Variants in NDUFAF1 observed in about 807,000 individuals in gnomAD.
NDUFAF1 encodes the protein NADH:ubiquinone oxidoreductase complex assembly factor 1, also known as complex I intermediate-associated protein 30, mitochondrial.
In NDUFAF1, 18 loss-of-function variants were observed where a neutral mutation model predicts 28.7. The observed-to-expected ratio is 0.63, with a 90% confidence interval of 0.43 to 0.93. NDUFAF1 has a LOEUF of 0.93. NDUFAF1 is among the 40% of genes least tolerant of loss of function. The pLI is 0.00. For synonymous variants in NDUFAF1, 113 were observed against 139.7 expected (o/e 0.81, Z 1.35); for missense variants, 404 against 398.3 (o/e 1.01, Z -0.12).
chr15:41,399,804 C>T (rs1393684245), intron 1 of NDUFAF1, among the ~76,000 whole-genome samples: 1 of 140,416 alleles, frequency 7.1e-6, no homozygotes, highest in South Asian at 2.3e-4. Flanking sequence ...TGCAGTGAGC[C>T]GAGATCCCGC....
In NDUFAF1 at chr15:41,400,972, C is replaced by CTT. The variant is rs57295983; in HGVS notation, c.-82+1170_-82+1171dup. Among the ~76,000 whole-genome samples, 4 of 144,260 alleles carry CTT rather than the reference C, an allele frequency of 2.8e-5. No individual in the cohort carries two copies. The East Asian group carries it at 6.1e-4, about 22-fold the overall frequency. The allele number at this position is 144,260 out of a possible 152,430, so 94.6% of individuals were successfully genotyped here. ...AATAGGTAAAATGACATTATCAATA[C>CTT]TTTTTTTTTTTTTTGAGACGGAGTC... On this transcript the variant is annotated intron_variant, in intron 1 of 4. Coordinates refer to ENST00000260361, the MANE Select transcript of NDUFAF1 (RefSeq NM_016013.4).
intron 1 of NDUFAF1, among the ~76,000 whole-genome samples, chr15:41,401,075 C>T (rs2050456407): frequency 6.6e-6 from 1 of 151,068 alleles, no homozygotes; most frequent in African/African-American, 2.4e-5. Context: ...CTTGTCTCAG[C>T]CTCCTGAATA....
intron 3 of NDUFAF1, among the ~76,000 whole-genome samples, 167 bp from the exon 4 acceptor site, chr15:41,388,689 T>C (rs1256649899): frequency 2.6e-5 from 4 of 151,526 alleles, no homozygotes; most frequent in Admixed American, 2.0e-4. Context: ...GGCCAAACGA[T>C]AAAGGGTTAA....
At chr15:41,394,316 G>T in intron 3 of NDUFAF1, 1 of 1,282,010 alleles carries the variant, frequency 7.8e-7, no homozygotes, top group African/African-American at 1.5e-5. Flanking sequence ...TTACAGGTGT[G>T]AGCCACCACG....
At chr15:41,387,893 C>A (rs1344382838) in intron 4 of NDUFAF1, among the ~76,000 whole-genome samples, 5 of 152,224 alleles carry the variant, frequency 3.3e-5, no homozygotes, top group Admixed American at 2.6e-4. Context: ...GTGGGCAGAT[C>A]ACAAGGTCCA....
rs562040564 is a variant in NDUFAF1 at position 41,395,985 on chromosome 15, G to A, written c.573+502C>T. Among the ~76,000 whole-genome samples, 5 of 151,834 alleles carry A rather than the reference G, an allele frequency of 3.3e-5. No homozygotes were observed. In the East Asian group the frequency reaches 5.9e-4, roughly 18 times the overall value. ...CACCAGTAGTCCCAGCTACTCAGGA[G>A]GCTGAGGCAGGAGAATCGCTTGAAC... is the stretch of plus-strand genomic sequence containing the variant. On this transcript the variant is annotated intron_variant, in intron 2 of 4. Transcript: ENST00000260361.
chr15:41,402,884 A>C (rs1258936631), upstream of NDUFAF1, among the ~76,000 whole-genome samples: 2 of 151,610 alleles, frequency 1.3e-5, no homozygotes, highest in African/African-American at 2.4e-5. Context: ...GGTGCGCGCC[A>C]TCATGCCCGA....
At chr15:41,397,161 AAG>A (rs1378521625) in intron 1 of NDUFAF1, 21 bp from the exon 2 acceptor site, 1 of 911,670 alleles carries the variant, frequency 1.1e-6, no homozygotes, top group African/African-American at 1.7e-5. Context: ...AGAGACATTG[AAG>A]AATTATCAGC....
At chr15:41,397,491 G>T (rs754626918) in intron 1 of NDUFAF1, among the ~76,000 whole-genome samples, 1 of 152,076 alleles carries the variant, frequency 6.6e-6, no homozygotes, top group Admixed American at 6.6e-5. Flanking sequence ...GAGGTGGGTG[G>T]ATCACGAGGT....
At chr15:41,387,833 C>T (rs1471719402) in intron 4 of NDUFAF1, among the ~76,000 whole-genome samples, 7 of 152,100 alleles carry the variant, frequency 4.6e-5, no homozygotes, top group Admixed American at 1.3e-4. Flanking sequence ...CTAGGAAGGA[C>T]GGCCGGGCGT....
chr15:41,392,749 T>C (rs1340108190), intron 3 of NDUFAF1, among the ~76,000 whole-genome samples: 3 of 152,190 alleles, frequency 2.0e-5, no homozygotes, highest in Non-Finnish European at 4.4e-5. Context: ...GTCTCAGGTA[T>C]TTCTTCATAG....
chr15:41,391,634 T>C (rs2050317876), intron 3 of NDUFAF1, among the ~76,000 whole-genome samples: 1 of 150,758 alleles, frequency 6.6e-6, no homozygotes, highest in Admixed American at 6.6e-5. Context: ...AGAATTTATA[T>C]AATTTATGTT....
chr15:41,389,513 G>A (rs949123672), intron 3 of NDUFAF1, among the ~76,000 whole-genome samples: 1 of 152,094 alleles, frequency 6.6e-6, no homozygotes, highest in Non-Finnish European at 1.5e-5. Flanking sequence ...GTGCATGCCT[G>A]TAATCCCAGC....
chr15:41,398,138 T>G (rs1372548565), intron 1 of NDUFAF1, among the ~76,000 whole-genome samples: 1 of 150,828 alleles, frequency 6.6e-6, no homozygotes, highest in Non-Finnish European at 1.5e-5. Context: ...CTTCCCAAAG[T>G]GCTGGGCTGT....
At chr15:41,394,446 C>T in intron 3 of NDUFAF1, 1 of 1,125,530 alleles carries the variant, frequency 8.9e-7, no homozygotes, top group Non-Finnish European at 1.2e-6. Flanking sequence ...TGTGACTTAG[C>T]ATGGACCTGG....
chr15:41,402,547 A>C (rs2050479824), upstream of NDUFAF1: 3 of 303,546 alleles, frequency 9.9e-6, no homozygotes, highest in South Asian at 5.4e-5. Context: ...CAGAACACCA[A>C]AGTTCCGGCC....
intron 1 of NDUFAF1, among the ~76,000 whole-genome samples, chr15:41,399,140 C>T (rs2050429147): frequency 6.6e-6 from 1 of 152,090 alleles, no homozygotes; most frequent in Non-Finnish European, 1.5e-5. Flanking sequence ...GTGGCTCATG[C>T]CTGTAATCCC....
At chr15:41,388,643 C>T (rs2140908344) in intron 3 of NDUFAF1, 121 bp from the exon 4 acceptor site, 1 of 700,322 alleles carries the variant, frequency 1.4e-6, no homozygotes, top group Non-Finnish European at 2.5e-6. Context: ...TGTATTATGA[C>T]AAATGGCTAG....
chr15:41,387,586 G>C lies in NDUFAF1; in HGVS notation c.842C>G (p.Ser281Cys). The C allele has an allele frequency of 6.2e-7, 1 of 1,606,676 alleles. No homozygotes were observed. Among genetic ancestry groups the C allele is most frequent in the Non-Finnish European group, 8.5e-7 (1 of 1,173,328 alleles). Residue 281 changes from serine to cysteine, a missense_variant, in exon 5 of 5, where the codon TCT (serine) becomes TGT (cysteine). By Grantham distance (112) the Ser-to-Cys change is moderately radical. Coordinates refer to ENST00000260361, the MANE Select transcript of NDUFAF1 (RefSeq NM_016013.4). ...QHELPLDKIS[S>C]IGFTLADKVD... The stretch of plus-strand genomic sequence containing the variant: ...TTTATCAGCCAAGGTGAATCCTATA[G>C]AAGAGATCTAAATTTAAAATACAGA...
Sources: allele counts gnomAD v4.1 joint callset (sites outside exome capture counted in the v4.1 genomes callset), GRCh38; gene constraint gnomAD v4.1.1; transcripts MANE v1.5; gene names NCBI Gene and HGNC (gene_info 2026-07-23, HGNC 2026-07-21).